The following DAB2 variants were observed in gnomAD, a reference collection of about 807,000 sequenced individuals.
DAB2 encodes the protein DAB adaptor protein 2, also known as disabled homolog 2.
DAB2 carries 28 observed loss-of-function variants against 71.6 expected under a neutral mutation model. The ratio of observed to expected loss-of-function variants is 0.39; its 90% CI spans 0.29 to 0.54. The LOEUF (loss-of-function observed/expected upper bound fraction) is 0.54, where lower values mean the gene tolerates loss of function less well. Among genes scored for constraint, DAB2 ranks in the 20% least tolerant of loss-of-function variants. The pLI, the probability that DAB2 is intolerant of heterozygous loss-of-function variation, is 0.68. For synonymous variants in DAB2, 345 were observed against 339.7 expected (o/e 1.02, Z -0.17); for missense variants, 867 against 928.8 (o/e 0.93, Z 0.86).
chr5:39,414,199 A>G (rs1420525600), intron 1 of DAB2, among the ~76,000 whole-genome samples: 1 of 152,120 alleles, frequency 6.6e-6, no homozygotes, highest in Non-Finnish European at 1.5e-5. Context: ...GCAGACAGTA[A>G]TGAGTTTGTG....
At chr5:39,414,815 T>G (rs569614600) in intron 1 of DAB2, among the ~76,000 whole-genome samples, 1 of 152,270 alleles carries the variant, frequency 6.6e-6, no homozygotes, top group Admixed American at 6.5e-5. Context: ...CAATTGATGT[T>G]GTAAATGAAA....
At position 39,375,101 on chromosome 5, in the gene DAB2, A is replaced by G; in HGVS notation, c.2248-17T>C. The G allele has an allele frequency of 6.4e-7, 1 of 1,565,386 alleles. No individual in the cohort carries two copies. The highest frequency in any genetic ancestry group is 2.2e-5 in the East Asian group (1 of 44,566). The stretch of plus-strand genomic sequence containing the variant: ...AGAAGCCACCTAAGAAGATAAAATC[A>G]TCTAGTCAATAAATACAGTTACAGT... On this transcript the variant is annotated splice_polypyrimidine_tract_variant and intron_variant, in intron 13 of 14. Transcript: ENST00000320816.
At chr5:39,402,185 T>C (rs1310065838) in intron 1 of DAB2, among the ~76,000 whole-genome samples, 1 of 151,978 alleles carries the variant, frequency 6.6e-6, no homozygotes, top group Non-Finnish European at 1.5e-5. Context: ...CCTCCCACAA[T>C]ACATGGGAAT....
At chr5:39,392,688 T>G (rs1267007488) in intron 3 of DAB2, among the ~76,000 whole-genome samples, 1 of 152,178 alleles carries the variant, frequency 6.6e-6, no homozygotes, top group East Asian at 1.9e-4. Flanking sequence ...CTAATTCTCT[T>G]GGCCTCAGAA....
rs757712349 is a variant in DAB2 at position 39,383,146 on chromosome 5, C to T, written c.813G>A (p.Gln271=). Residue 271 remains glutamine (Q), a synonymous_variant, in exon 10 of 15, where the codon CAG becomes CAA. Coordinates refer to ENST00000320816, the MANE Select transcript of DAB2 (RefSeq NM_001343.4). ...AGGCATTTTCAGGCAAGAAGGATGC[C>T]TGAGGCGTTGGTCGAGGAAGAGAAC... The part of the protein sequence containing the change: ...TSCSLPRPTP[Q]ASFLPENAFS... The T allele has an allele frequency of 1.9e-6, 3 of 1,614,018 alleles. No homozygotes were observed. The highest frequency in any genetic ancestry group is 2.5e-6 in the Non-Finnish European group (3 of 1,179,986).
At chr5:39,416,689 G>A (rs899613481) in intron 1 of DAB2, among the ~76,000 whole-genome samples, 3 of 152,058 alleles carry the variant, frequency 2.0e-5, no homozygotes, top group Non-Finnish European at 4.4e-5. Context: ...TCTCAGGGAA[G>A]TCTTTACCGG....
chr5:39,379,625 C>T (rs1287034188), intron 11 of DAB2, among the ~76,000 whole-genome samples: 1 of 152,026 alleles, frequency 6.6e-6, no homozygotes, highest in African/African-American at 2.4e-5. Flanking sequence ...AAAAAGGGGA[C>T]ATGGGTATAG....
Position 39,388,265 on chromosome 5 carries a change from G to A in DAB2, c.687+40C>T, listed in dbSNP as rs763112061. The A allele has an allele frequency of 7.6e-6, 11 of 1,443,914 alleles. No individual in the cohort carries two copies. In the African/African-American group the frequency reaches 1.4e-4, roughly 19 times the overall value. 89.4% of individuals were successfully genotyped at this position (1,443,914 alleles called of 1,614,324 possible). A position where few individuals can be genotyped will look rare whatever the true frequency, so the allele number is the denominator to read the frequency against. On this transcript the variant is annotated intron_variant, in intron 9 of 14. Coordinates refer to ENST00000320816, the MANE Select transcript of DAB2 (RefSeq NM_001343.4). ...GTTATTGCCAATTTGAGTTATAGAT[G>A]TCATTTTATTACATTGCAAATTTAA... is the stretch of plus-strand genomic sequence containing the variant.
Position 39,382,740 on chromosome 5 carries a change from A to G in DAB2, c.1219T>C (p.Ser407Pro), listed in dbSNP as rs753403036. The G allele has an allele frequency of 2.9e-5, 47 of 1,614,044 alleles. 1 individual carries two copies. The Middle Eastern group carries it at 4.9e-4, about 17-fold the overall frequency. Residue 407 changes from serine (S) to proline (P), a missense_variant, in exon 10 of 15, where the codon TCC (serine) becomes CCC (proline). Coordinates refer to ENST00000320816, the MANE Select transcript of DAB2 (RefSeq NM_001343.4). ...TCCTGCTTTACGCCATTCTGTATGG[A>G]CAGTCCTTTGGGAGGGCTTCCCACA... ...PFVGSPPKGL[S>P]IQNGVKQDLE...
At chr5:39,405,780 T>C (rs1414974316) in intron 1 of DAB2, among the ~76,000 whole-genome samples, 2 of 152,166 alleles carry the variant, frequency 1.3e-5, no homozygotes, top group Non-Finnish European at 2.9e-5. Context: ...GGAAGTGATG[T>C]AGGGAAGAGA....
intron 1 of DAB2, among the ~76,000 whole-genome samples, chr5:39,413,622 A>T (rs576631309): frequency 6.6e-6 from 1 of 152,284 alleles, no homozygotes; most frequent in African/African-American, 2.4e-5. Flanking sequence ...CCCAATTTAT[A>T]TATGTTTTTC....
rs148952934 is a variant in DAB2, at chr5:39,389,064, C to G, written c.570+33G>C. ...AACAGGGGCTTACGCATGTCACACA[C>G]ATGATTAACAAGAAGTAAAGATGCA... On this transcript the variant is annotated intron_variant, in intron 7 of 14. Transcript: ENST00000320816. 134 of 1,608,450 alleles carry G rather than the reference C, an allele frequency of 8.3e-5. No homozygotes were observed. The African/African-American group carries it at 1.5e-3, about 18-fold the overall frequency.
rs539311861 is a variant in DAB2 at position 39,394,578 on chromosome 5, G to A, written c.-101-157C>T. 5.9e-5 allele frequency among the ~76,000 whole-genome samples: 9 copies of A among 152,354 alleles called. No homozygotes were observed. The East Asian group carries it at 1.7e-3, about 29-fold the overall frequency. ...TAGACTGAAGACTGAAAGCAGGGGA[G>A]TGGGTAGGAGTGTTTCCTTTGTAGT... is the stretch of plus-strand genomic sequence containing the variant. On this transcript the variant is annotated intron_variant, in intron 1 of 14. Transcript: ENST00000320816.
chr5:39,389,781 G>C, intron 6 of DAB2, 71 bp downstream of exon 6: 2 of 846,438 alleles, frequency 2.4e-6, no homozygotes, highest in South Asian at 1.6e-5. Context: ...CGAAGTGCTG[G>C]GATTATAGGT....
chr5:39,382,578 C>T (rs937057394), intron 10 of DAB2, 40 bp downstream of exon 10: 3 of 1,575,264 alleles, frequency 1.9e-6, no homozygotes, highest in African/African-American at 2.7e-5. Flanking sequence ...TGGTACCGAA[C>T]ATGCACTCTG....
In DAB2 at chr5:39,389,913, T is replaced by G; in HGVS notation, c.482A>C (p.Asp161Ala). ...GATAACTTGAAAAAGGTCTTTAAGATCAACAACTAATGGTTCAGCCTGCAG... is the reference window on the plus strand; with the variant it reads ...GATAACTTGAAAAAGGTCTTTAAGAGCAACAACTAATGGTTCAGCCTGCAG... The part of the protein sequence containing the change: ...TGQQAEPLVV[D>A]LKDLFQVIYN... Residue 161 changes from aspartate (D) to alanine (A), a missense_variant, in exon 6 of 15, where the codon GAT becomes GCT. Physicochemically the swap from Asp to Ala is moderately radical, Grantham distance 126 (BLOSUM62 -2). This residue lies in a region of DAB2 where 740 missense variants were observed against 734.3 expected (regional missense o/e 1.01). Coordinates refer to ENST00000320816, the MANE Select transcript of DAB2 (RefSeq NM_001343.4). 1 of 1,596,270 alleles carries G rather than the reference T, an allele frequency of 6.3e-7. No individual in the cohort carries two copies. The highest frequency in any genetic ancestry group is 2.2e-5 in the East Asian group (1 of 44,448).
chr5:39,387,443 T>G (rs1308621431), intron 9 of DAB2, among the ~76,000 whole-genome samples: 2 of 152,200 alleles, frequency 1.3e-5, no homozygotes, highest in African/African-American at 4.8e-5. Context: ...GTAACATCAA[T>G]TACTAACGAT....
At chr5:39,402,947 C>T (rs898777566) in intron 1 of DAB2, among the ~76,000 whole-genome samples, 2 of 152,174 alleles carry the variant, frequency 1.3e-5, no homozygotes, top group Non-Finnish European at 2.9e-5. Context: ...CTCTGCTTCA[C>T]ATCATCTGGG....
At chr5:39,391,898 T>A (rs1322829351) in intron 4 of DAB2, among the ~76,000 whole-genome samples, 1 of 150,772 alleles carries the variant, frequency 6.6e-6, no homozygotes, top group Non-Finnish European at 1.5e-5. Flanking sequence ...TAAGTTCACA[T>A]GTAAGCAATA....
Sources: gnomAD v4.1 joint callset for allele counts (sites outside exome capture counted in the v4.1 genomes callset) on GRCh38, gnomAD v4.1.1 for gene constraint, gnomAD v4.1.1 regional missense constraint, MANE v1.5 for transcripts, NCBI Gene and HGNC (gene_info 2026-07-23, HGNC 2026-07-21) for gene names.